Variants in ALLC observed in about 807,000 individuals in gnomAD.
ALLC encodes the protein allantoicase, also known as probable inactive allantoicase.
A neutral mutation model predicts 45.0 loss-of-function variants in ALLC; 40 were observed. That is an observed-to-expected ratio of 0.89 (90% CI 0.69 to 1.16). ALLC has a LOEUF of 1.16. Among genes scored for constraint, ALLC ranks in the 50% most tolerant of loss-of-function variants. ALLC has a pLI of 0.00. For synonymous variants in ALLC, 176 were observed against 178.1 expected (o/e 0.99, Z 0.09); for missense variants, 488 against 493.1 (o/e 0.99, Z 0.10).
chr2:3,676,469 G>A (rs1437139323), intron 3 of ALLC, among the ~76,000 whole-genome samples: 1 of 152,110 alleles, frequency 6.6e-6, no homozygotes, highest in Non-Finnish European at 1.5e-5. Context: ...GAGGTCTCTA[G>A]CTCCTGGGCT....
upstream of ALLC, among the ~76,000 whole-genome samples, chr2:3,655,166 G>A (rs925877398): frequency 6.6e-6 from 1 of 152,256 alleles, no homozygotes; most frequent in Non-Finnish European, 1.5e-5. Flanking sequence ...CTCCTTCAGG[G>A]CAATAAAGGA....
chr2:3,678,914 C>A (rs1276449866), intron 4 of ALLC, among the ~76,000 whole-genome samples: 1 of 152,172 alleles, frequency 6.6e-6, no homozygotes, highest in African/African-American at 2.4e-5. Flanking sequence ...GTCTCTTTAT[C>A]CCCGTTTAAC....
At chr2:3,682,281 T>G (rs892560944) in intron 6 of ALLC, among the ~76,000 whole-genome samples, 2 of 152,080 alleles carry the variant, frequency 1.3e-5, no homozygotes, top group African/African-American at 4.8e-5. Context: ...TCCCCAGAGG[T>G]CATGGAGCAT....
intron 1 of ALLC, among the ~76,000 whole-genome samples, chr2:3,661,899 A>G (rs1666586876): frequency 6.6e-6 from 1 of 152,200 alleles, no homozygotes; most frequent in African/African-American, 2.4e-5. Context: ...ATCAAAATCC[A>G]GGTGGGCTGG....
chr2:3,652,580 ATTTTTTTT>A, the ALLC span, among the ~76,000 whole-genome samples: 9,245 of 93,302 alleles, frequency 0.099, 319 homozygotes, highest in East Asian at 0.18. Context: ...AAACTTTGTG[ATTTTTTTT>A]TTTTTTTTTT....
chr2:3,651,587 C>G, the ALLC span, among the ~76,000 whole-genome samples: 2 of 151,870 alleles, frequency 1.3e-5, no homozygotes, highest in East Asian at 3.9e-4. Flanking sequence ...CGTTGTGTCC[C>G]TGCGGTGACA....
intron 7 of ALLC, among the ~76,000 whole-genome samples, chr2:3,687,866 G>A (rs1215188046): frequency 6.6e-6 from 1 of 150,798 alleles, no homozygotes; most frequent in Non-Finnish European, 1.5e-5. Context: ...GGCCTGGCAT[G>A]GAAACTGTGT....
chr2:3,649,662 C>T, the ALLC span, among the ~76,000 whole-genome samples: 8 of 152,382 alleles, frequency 5.2e-5, 1 homozygote, highest in East Asian at 5.8e-4. Flanking sequence ...GGGTGGCCCA[C>T]GCCTGACCTG....
At chr2:3,693,438 C>T (rs575771909) in intron 7 of ALLC, among the ~76,000 whole-genome samples, 2 of 152,358 alleles carry the variant, frequency 1.3e-5, no homozygotes, top group South Asian at 4.1e-4. Context: ...GCAAAGCTTA[C>T]AAGAGAGTCA....
chr2:3,650,612 G>T, the ALLC span, among the ~76,000 whole-genome samples: 1 of 152,190 alleles, frequency 6.6e-6, no homozygotes, highest in Non-Finnish European at 1.5e-5. Context: ...TCAGCAGTGC[G>T]TGCACCTCCC....
At chr2:3,695,979 C>T (rs894426354) in intron 8 of ALLC, 107 bp downstream of exon 8, 1 of 1,165,378 alleles carries the variant, frequency 8.6e-7, no homozygotes, top group Non-Finnish European at 1.2e-6. Flanking sequence ...TCTCAAAGCA[C>T]AGCAGTGGAT....
intron 7 of ALLC, among the ~76,000 whole-genome samples, chr2:3,685,519 C>G (rs1667315681): frequency 6.6e-6 from 1 of 150,584 alleles, no homozygotes; most frequent in South Asian, 2.1e-4. Context: ...TTTTAAACAT[C>G]AGATCTCACA....
the ALLC span, among the ~76,000 whole-genome samples, chr2:3,647,322 C>G: frequency 1.6e-4 from 23 of 141,506 alleles, no homozygotes; most frequent in African/African-American, 5.7e-4. Context: ...CACACACACA[C>G]ATACACACAC....
upstream of ALLC, among the ~76,000 whole-genome samples, chr2:3,656,922 A>G (rs1202738833): frequency 6.6e-6 from 1 of 152,098 alleles, no homozygotes; most frequent in African/African-American, 2.4e-5. Context: ...GAGGATAAAA[A>G]TAGGCCCTTC....
chr2:3,667,097 C>T (rs1195286083), intron 1 of ALLC, among the ~76,000 whole-genome samples: 1 of 152,172 alleles, frequency 6.6e-6, no homozygotes, highest in African/African-American at 2.4e-5. Context: ...GATCATTGGC[C>T]TCCCTGCCTG....
Position 3,680,043 on chromosome 2 carries a change from C to A in ALLC, c.298+49C>A, listed in dbSNP as rs1382576839. ...AAAATGAGAATTATGGGTCACATGGCTCCTCTGGCCAGCCACAGCCCCACA... is the reference window on the plus strand; with the variant it reads ...AAAATGAGAATTATGGGTCACATGGATCCTCTGGCCAGCCACAGCCCCACA... On this transcript the variant is annotated intron_variant, in intron 5 of 11. Transcript: ENST00000252505. The surrounding 1 kb of genome is among the most constrained non-coding windows in gnomAD (Gnocchi z 4.0). The A allele has an allele frequency of 6.8e-6, 11 of 1,608,048 alleles. No individual in the cohort carries two copies. The highest frequency in any genetic ancestry group is 8.5e-6 in the Non-Finnish European group (10 of 1,175,406).
At chr2:3,671,893 G>A (rs111525697) in intron 2 of ALLC, among the ~76,000 whole-genome samples, 1 of 137,402 alleles carries the variant, frequency 7.3e-6, no homozygotes, top group Admixed American at 6.9e-5. Context: ...TTAGATGGGA[G>A]GTCCTCTGGC....
At chr2:3,693,280 T>A (rs2148018179) in intron 7 of ALLC, among the ~76,000 whole-genome samples, 1 of 152,286 alleles carries the variant, frequency 6.6e-6, no homozygotes, top group East Asian at 1.9e-4. Flanking sequence ...CCAGAAGTGG[T>A]TCTCTGGAAC....
chr2:3,692,488 G>A (rs1020102210), intron 7 of ALLC, among the ~76,000 whole-genome samples: 1 of 152,208 alleles, frequency 6.6e-6, no homozygotes, highest in Non-Finnish European at 1.5e-5. Context: ...GACAAGCTTA[G>A]CTTAGAGAAT....
Sources: gnomAD v4.1 joint callset for allele counts (sites outside exome capture counted in the v4.1 genomes callset) on GRCh38, gnomAD v4.1.1 for gene constraint, Gnocchi (gnomAD v3.1) non-coding constraint, MANE v1.5 for transcripts, NCBI Gene and HGNC (gene_info 2026-07-23, HGNC 2026-07-21) for gene names.